The following ITIH5 variants were observed in gnomAD, a reference collection of about 807,000 sequenced individuals.
ITIH5 encodes the protein inter-alpha-trypsin inhibitor heavy chain 5, also known as inter-alpha-trypsin inhibitor heavy chain H5.
Under a neutral mutation model 77.5 loss-of-function variants are expected in ITIH5, and 65 were observed. The ratio of observed to expected loss-of-function variants is 0.84; its 90% CI spans 0.69 to 1.03. The LOEUF (loss-of-function observed/expected upper bound fraction) is 1.03, where lower values mean the gene tolerates loss of function less well. ITIH5 is among the 50% of genes least tolerant of loss of function. The probability of loss-of-function intolerance (pLI) is 0.00; values close to 1 mark genes in which losing one functional copy is unlikely to be tolerated. For synonymous variants in ITIH5, 525 were observed against 494.3 expected (o/e 1.06, Z -0.82); for missense variants, 1,208 against 1,213.1 (o/e 1.00, Z 0.06).
chr10:7,635,112 A>G (rs1164256494), intron 5 of ITIH5, among the ~76,000 whole-genome samples: 1 of 152,192 alleles, frequency 6.6e-6, no homozygotes, highest in East Asian at 1.9e-4. Context: ...TAGTTCGAAG[A>G]CACTCAATTA....
intron 1 of ITIH5, among the ~76,000 whole-genome samples, chr10:7,664,043 T>A (rs1834321726): frequency 6.6e-6 from 1 of 152,162 alleles, no homozygotes; most frequent in African/African-American, 2.4e-5. Flanking sequence ...AGCAGACAGT[T>A]TTTATACAAG....
chr10:7,634,339 A>G (rs574134121), intron 5 of ITIH5, among the ~76,000 whole-genome samples: 10 of 152,162 alleles, frequency 6.6e-5, no homozygotes, highest in Non-Finnish European at 1.3e-4. Context: ...CTGTGCTTCA[A>G]GCTGCTAAGG....
At chr10:7,646,684 A>G (rs1755436344) in intron 2 of ITIH5, among the ~76,000 whole-genome samples, 1 of 152,194 alleles carries the variant, frequency 6.6e-6, no homozygotes, top group Admixed American at 6.5e-5. Context: ...CAAGGCTGGC[A>G]TCTCTCTATC....
Position 7,560,490 on chromosome 10 carries a change from T to C in ITIH5, c.*2593A>G, listed in dbSNP as rs900327438. The C allele has an allele frequency of 6.6e-6, 1 of 152,168 alleles. No individual in the cohort carries two copies. Among genetic ancestry groups the C allele is most frequent in the Non-Finnish European group, 1.5e-5 (1 of 68,032 alleles). 9.4% of individuals were successfully genotyped at this position (152,168 alleles called of 1,614,324 possible). ...GCACCGAGGGAATCTTGTGATGGTT[T>C]CTCCTCCCAACATCCCCTCCCTTTA... On this transcript the variant is annotated 3_prime_UTR_variant, in exon 14 of 14. Coordinates refer to ENST00000397146, the MANE Select transcript of ITIH5 (RefSeq NM_030569.7).
chr10:7,651,599 C>T (rs1478191231), intron 2 of ITIH5, among the ~76,000 whole-genome samples: 1 of 151,732 alleles, frequency 6.6e-6, no homozygotes, highest in Non-Finnish European at 1.5e-5. Context: ...CAGAGTGAGA[C>T]TCTGTCTCAA....
In ITIH5 at chr10:7,559,459, A is replaced by G. The variant is rs556925577; in HGVS notation, c.*3624T>C. On this transcript the variant is annotated 3_prime_UTR_variant, in exon 14 of 14. Coordinates refer to ENST00000397146, the MANE Select transcript of ITIH5 (RefSeq NM_030569.7). ...TATTTAAAACTAAAATAAATATTTA[A>G]AGCTACATTTATAAGTATTTGCTTA... 1.3e-5 allele frequency: 2 copies of G among 155,508 alleles called. No individual in the cohort carries two copies. Among genetic ancestry groups the G allele is most frequent in the Admixed American group, 1.3e-4 (2 of 15,560 alleles). The allele number at this position is 155,508 out of a possible 1,614,324, so 9.6% of individuals were successfully genotyped here. A position where few individuals can be genotyped will look rare whatever the true frequency, so the allele number is the denominator to read the frequency against.
chr10:7,665,963 G>T (rs183352596), intron 1 of ITIH5, among the ~76,000 whole-genome samples: 13 of 152,240 alleles, frequency 8.5e-5, no homozygotes, highest in African/African-American at 2.6e-4. Flanking sequence ...TTCAAAACAG[G>T]GGCTGGAAAA....
intron 7 of ITIH5, among the ~76,000 whole-genome samples, chr10:7,595,003 C>T (rs545208862): frequency 1.2e-4 from 18 of 152,330 alleles, no homozygotes; most frequent in Admixed American, 1.1e-3. Context: ...GAATGGGCGT[C>T]ATCTCTGCTA....
intron 13 of ITIH5, among the ~76,000 whole-genome samples, chr10:7,564,587 C>G: frequency 6.6e-6 from 1 of 152,054 alleles, no homozygotes; most frequent in Non-Finnish European, 1.5e-5. Context: ...CACCACATAG[C>G]CTAGCTGAGT....
intron 5 of ITIH5, among the ~76,000 whole-genome samples, chr10:7,623,951 TA>T (rs757991390): frequency 4.6e-5 from 7 of 152,108 alleles, no homozygotes; most frequent in Non-Finnish European, 8.8e-5. Flanking sequence ...TAGCAACACA[TA>T]GCACAGAATA....
At chr10:7,609,193 A>C (rs1833191995) in intron 7 of ITIH5, among the ~76,000 whole-genome samples, 1 of 152,250 alleles carries the variant, frequency 6.6e-6, no homozygotes, top group African/African-American at 2.4e-5. Flanking sequence ...GATGGCTGAA[A>C]GATTAAATGA....
chr10:7,568,086 C>T (rs541517738), intron 12 of ITIH5, among the ~76,000 whole-genome samples: 2 of 152,266 alleles, frequency 1.3e-5, no homozygotes, highest in South Asian at 4.1e-4. Flanking sequence ...CCCCAGGGTT[C>T]CGTGCTGTCT....
rs868074662 is a variant in ITIH5 at position 7,596,051 on chromosome 10, T to C, written c.940-9982A>G. The stretch of plus-strand genomic sequence containing the variant: ...TAAACAAATAAATGTAAACTCTATT[T>C]CAGATTCTCCATCCCTTCAGTACAG... On this transcript the variant is annotated intron_variant, in intron 7 of 13. Transcript: ENST00000397146. 6.6e-5 allele frequency among the ~76,000 whole-genome samples: 10 copies of C among 152,310 alleles called. No individual in the cohort carries two copies. The South Asian group carries it at 2.1e-3, about 32-fold the overall frequency.
At chr10:7,653,805 A>G (rs12763796) in intron 2 of ITIH5, among the ~76,000 whole-genome samples, 119,291 of 152,104 alleles carry the variant, frequency 0.78, 47,048 homozygotes, top group African/African-American at 0.87. Context: ...TCTTGGGAAA[A>G]TTACTCTCTC....
intron 7 of ITIH5, among the ~76,000 whole-genome samples, chr10:7,586,445 G>C (rs1832682160): frequency 6.6e-6 from 1 of 152,146 alleles, no homozygotes; most frequent in Admixed American, 6.5e-5. Context: ...TTCTCTGTTG[G>C]AAATTTTTCT....
chr10:7,601,707 C>T (rs1213216072), intron 7 of ITIH5, among the ~76,000 whole-genome samples: 1 of 152,128 alleles, frequency 6.6e-6, no homozygotes. Flanking sequence ...ACGGCCATCC[C>T]TGAGCAGCAG....
chr10:7,631,087 G>A lies in ITIH5; in HGVS notation c.652+6141C>T, dbSNP rs948741078. On this transcript the variant is annotated intron_variant, in intron 5 of 13. Transcript: ENST00000397146. ...AAAACAAAGTGGCGGGAACTACAGC[G>A]GAATATTGCTAGAAAACAGGACATC... Among the ~76,000 whole-genome samples, 20 of 151,940 alleles carry A rather than the reference G, an allele frequency of 1.3e-4. No homozygotes were observed. The South Asian group carries it at 1.7e-3, about 13-fold the overall frequency.
At chr10:7,590,249 T>A (rs4584472) in intron 7 of ITIH5, among the ~76,000 whole-genome samples, 1 of 151,928 alleles carries the variant, frequency 6.6e-6, no homozygotes, top group Non-Finnish European at 1.5e-5. Flanking sequence ...GAAGCCTGGA[T>A]GTCAGGCCCT....
At chr10:7,622,532 G>C (rs1216207420) in intron 5 of ITIH5, 1 of 151,408 alleles carries the variant, frequency 6.6e-6, no homozygotes, top group Non-Finnish European at 1.5e-5. Flanking sequence ...AACTTATAAA[G>C]AAAAAAATGC....
Sources: allele counts gnomAD v4.1 joint callset (sites outside exome capture counted in the v4.1 genomes callset), GRCh38; gene constraint gnomAD v4.1.1; transcripts MANE v1.5; gene names NCBI Gene and HGNC (gene_info 2026-07-23, HGNC 2026-07-21).